Variants in SAMD4B observed in about 807,000 individuals in gnomAD.
SAMD4B encodes protein Smaug homolog 2.
In SAMD4B, 5 loss-of-function variants were observed where a neutral mutation model predicts 74.5. The ratio of observed to expected loss-of-function variants is 0.07; its 90% confidence interval spans 0.04 to 0.14. The LOEUF is 0.14. Among genes scored for constraint, SAMD4B ranks in the 10% least tolerant of loss-of-function variants. The pLI is 1.00. For missense variants in SAMD4B, 608 were observed against 921.8 expected (o/e 0.66, Z 4.41); for synonymous variants, 373 against 374.9 (o/e 1.00, Z 0.06).
At chr19:39,344,817 A>AT (rs1409442764) in intron 1 of SAMD4B, among the ~76,000 whole-genome samples, 3 of 151,608 alleles carry the variant, frequency 2.0e-5, no homozygotes, top group African/African-American at 7.3e-5. Context: ...CTTTCAGACC[A>AT]TTTTTCTTAG....
chr19:39,365,219 C>G (rs1244494724), intron 3 of SAMD4B, among the ~76,000 whole-genome samples: 1 of 140,454 alleles, frequency 7.1e-6, no homozygotes, highest in African/African-American at 2.7e-5. Flanking sequence ...GCACTCCAGC[C>G]TGGGTGACAG....
chr19:39,358,369 A>G (rs2145441138), intron 3 of SAMD4B, among the ~76,000 whole-genome samples: 1 of 152,266 alleles, frequency 6.6e-6, no homozygotes, highest in South Asian at 2.1e-4. Flanking sequence ...TAACCAAGTA[A>G]CTTAACCTCT....
chr19:39,344,094 C>T (rs2075537359), intron 1 of SAMD4B, among the ~76,000 whole-genome samples: 1 of 151,520 alleles, frequency 6.6e-6, no homozygotes. Flanking sequence ...ACCAGAACCC[C>T]TTGAATCAAT....
chr19:39,375,129 G>A lies in SAMD4B; in HGVS notation c.668-521G>A, dbSNP rs1268452350. Reference sequence around the variant, plus strand: ...GTGTTTCAGGAACAAAGGGGAGTTTGGGAGGAGGCAAAGGCTAGAGAGGCA... The same window carrying A: ...GTGTTTCAGGAACAAAGGGGAGTTTAGGAGGAGGCAAAGGCTAGAGAGGCA... On this transcript the variant is annotated intron_variant, in intron 4 of 13. Transcript: ENST00000610417. This position sits in a 1 kb window ranked among gnomAD's most constrained non-coding sequence, Gnocchi z 4.1. Among the ~76,000 whole-genome samples, 1 of 152,188 alleles carries A rather than the reference G, an allele frequency of 6.6e-6. No individual in the cohort carries two copies. The highest frequency in any genetic ancestry group is 1.5e-5 in the Non-Finnish European group (1 of 68,046).
rs1314496744 is a variant in SAMD4B, at chr19:39,385,332, T to C, written c.*1805T>C. 1 of 394,292 alleles carries C rather than the reference T, an allele frequency of 2.5e-6. No individual in the cohort carries two copies. Among genetic ancestry groups the C allele is most frequent in the African/African-American group, 2.1e-5 (1 of 48,334 alleles). The allele number at this position is 394,292 out of a possible 1,614,324, so 24.4% of individuals were successfully genotyped here. A position where few individuals can be genotyped will look rare whatever the true frequency, so the allele number is the denominator to read the frequency against. On this transcript the variant is annotated 3_prime_UTR_variant, in exon 14 of 14. Transcript: ENST00000610417. The stretch of plus-strand genomic sequence containing the variant: ...CCTCCCCTCTCCCCAGCCTGTCCTG[T>C]CTTGTTCACTCTCCATCAGGGTGAG...
At chr19:39,344,782 G>C (rs1459732069) in intron 1 of SAMD4B, among the ~76,000 whole-genome samples, 1 of 151,978 alleles carries the variant, frequency 6.6e-6, no homozygotes, top group Non-Finnish European at 1.5e-5. Context: ...CCGCCCCCTT[G>C]AAATCCCAGT....
At chr19:39,386,273 CTCG>C (rs2078246127), downstream of SAMD4B, 1 of 1,614,080 alleles carries the variant, frequency 6.2e-7, no homozygotes, top group Non-Finnish European at 8.5e-7. The surrounding 1 kb of genome is among the most constrained non-coding windows in gnomAD (Gnocchi z 6.1). Context: ...CCTCGCTGCT[CTCG>C]TCCTCACCAC....
intron 10 of SAMD4B, 39 bp downstream of exon 10, chr19:39,380,123 A>G (rs916634711): frequency 6.7e-7 from 1 of 1,496,670 alleles, no homozygotes; most frequent in Non-Finnish European, 9.3e-7. Flanking sequence ...TGCCCTCCAT[A>G]GGCCTTTGCT....
At chr19:39,361,959 C>T (rs1257007682) in intron 3 of SAMD4B, among the ~76,000 whole-genome samples, 1 of 152,170 alleles carries the variant, frequency 6.6e-6, no homozygotes, top group Non-Finnish European at 1.5e-5. Flanking sequence ...TCTCCAAGCC[C>T]TTCTTTAGCT....
At position 39,369,934 on chromosome 19, in the gene SAMD4B, G is replaced by A. The variant is rs753982944; in HGVS notation, c.476G>A (p.Arg159His). The change falls in exon 4 of 14, where the codon CGC becomes CAC. Residue 159 changes from arginine (R) to histidine (H), a missense_variant. By Grantham distance (29) the Arg-to-His change is conservative (BLOSUM62 0). This residue lies in a region of SAMD4B where 153 missense variants were observed against 153.0 expected (regional missense o/e 1.00). Coordinates refer to ENST00000610417, the MANE Select transcript of SAMD4B (RefSeq NM_001384574.2). Reference sequence around the variant, plus strand: ...GAAGAGCGGTTGGCTAGTGGCTTCCGCTCCCGGCCAGAGCCCTCCTACCAT... The same window carrying A: ...GAAGAGCGGTTGGCTAGTGGCTTCCACTCCCGGCCAGAGCCCTCCTACCAT... ...HLEERLASGF[R>H]SRPEPSYHSR... is the part of the protein sequence containing the mutation. 1.7e-5 allele frequency: 28 copies of A among 1,613,860 alleles called. No individual in the cohort carries two copies. Among genetic ancestry groups the A allele is most frequent in the Non-Finnish European group, 2.1e-5 (25 of 1,179,986 alleles).
chr19:39,388,628 A>G (rs1290188033), downstream of SAMD4B: 1 of 1,614,146 alleles, frequency 6.2e-7, no homozygotes, highest in East Asian at 2.2e-5. Flanking sequence ...TCTCTTCTAC[A>G]GGCAGGAAAT....
Position 39,383,493 on chromosome 19 carries a change from C to T in SAMD4B, c.2057-6C>T. 1 of 1,614,018 alleles carries T rather than the reference C, an allele frequency of 6.2e-7. No individual in the cohort carries two copies. Among genetic ancestry groups the T allele is most frequent in the Non-Finnish European group, 8.5e-7 (1 of 1,179,874 alleles). ...TCTTCCTCCCTTCCTCCCTTTCTTA[C>T]CACAGATGGGACAGACAAAACCTCC... On this transcript the variant is annotated splice_region_variant and splice_polypyrimidine_tract_variant and intron_variant, in intron 13 of 13. Transcript: ENST00000610417. This position sits in a 1 kb window ranked among gnomAD's most constrained non-coding sequence, Gnocchi z 4.1.
At chr19:39,373,590 G>A (rs977704838) in intron 4 of SAMD4B, among the ~76,000 whole-genome samples, 1 of 152,160 alleles carries the variant, frequency 6.6e-6, no homozygotes, top group Non-Finnish European at 1.5e-5. Context: ...AGTTGGCGAG[G>A]TGAGCGAGGC....
chr19:39,376,647 C>T, intron 6 of SAMD4B, 58 bp from the exon 7 acceptor site: 2 of 1,577,698 alleles, frequency 1.3e-6, no homozygotes, highest in Non-Finnish European at 8.7e-7. Context: ...ATTTGGGTAC[C>T]CCCAAATATC....
At position 39,380,630 on chromosome 19, in the gene SAMD4B, G is replaced by C; in HGVS notation, c.1693G>C (p.Gly565Arg). The change falls in exon 11 of 14, where the codon GGG (glycine) becomes CGG (arginine). Residue 565 changes from glycine to arginine, a missense_variant. Physicochemically the swap from Gly to Arg is moderately radical, Grantham distance 125. This residue lies in a region of SAMD4B where 167 missense variants were observed against 193.0 expected (regional missense o/e 0.87). Transcript: ENST00000610417. The part of the protein sequence containing the change: ...SNSLPIAGSV[G>R]MGVARRTQRQ... ...CTCGCTCCCCATAGCTGGCTCTGTG[G>C]GGATGGGAGTGGCCCGGCGTACCCA... 1 of 1,614,154 alleles carries C rather than the reference G, an allele frequency of 6.2e-7. No individual in the cohort carries two copies. The highest frequency in any genetic ancestry group is 8.5e-7 in the Non-Finnish European group (1 of 1,180,024).
chr19:39,353,930 TATATC>T (rs2076199822), intron 1 of SAMD4B, 71 bp from the exon 2 acceptor site: 1 of 152,196 alleles, frequency 6.6e-6, no homozygotes, highest in African/African-American at 2.4e-5. Flanking sequence ...ATAGATACGT[TATATC>T]ATACAATGTG....
chr19:39,386,846 G>C, downstream of SAMD4B: 9 of 1,308,554 alleles, frequency 6.9e-6, no homozygotes, highest in Non-Finnish European at 1.0e-5. The surrounding 1 kb of genome is among the most constrained non-coding windows in gnomAD (Gnocchi z 6.1). Context: ...TGCAGTTAAA[G>C]ACACACCTCC....
intron 3 of SAMD4B, among the ~76,000 whole-genome samples, chr19:39,357,354 C>T (rs955809714): frequency 6.6e-6 from 1 of 152,076 alleles, no homozygotes; most frequent in Admixed American, 6.5e-5. Context: ...TGTAGAGTGG[C>T]TTATGTGGGC....
At chr19:39,347,351 A>C (rs1278248639) in intron 1 of SAMD4B, among the ~76,000 whole-genome samples, 5 of 152,224 alleles carry the variant, frequency 3.3e-5, no homozygotes, top group Non-Finnish European at 1.5e-5. Context: ...ATTATGCCAG[A>C]AGATCCTTAG....
Sources: gnomAD v4.1 joint callset for allele counts (sites outside exome capture counted in the v4.1 genomes callset) on GRCh38, gnomAD v4.1.1 for gene constraint, gnomAD v4.1.1 regional missense constraint, Gnocchi (gnomAD v3.1) non-coding constraint, MANE v1.5 for transcripts, NCBI Gene and HGNC (gene_info 2026-07-23, HGNC 2026-07-21) for gene names.